ADGRV1: variants seen among roughly 807,000 people sequenced by gnomAD.
The protein encoded by ADGRV1 is adhesion G protein-coupled receptor V1, also known as G-protein coupled receptor 98.
ADGRV1 carries 359 observed loss-of-function variants against 596.2 expected under a neutral mutation model. The ratio of observed to expected loss-of-function variants is 0.60; its 90% CI spans 0.55 to 0.66. The LOEUF (loss-of-function observed/expected upper bound fraction) is 0.66. Ranked by LOEUF, ADGRV1 falls within the 30% of genes least tolerant of loss-of-function variation. The probability of loss-of-function intolerance (pLI) is 0.00; values close to 1 mark genes in which losing one functional copy is unlikely to be tolerated. For synonymous variants in ADGRV1, 2,681 were observed against 2,679.2 expected, an observed-to-expected ratio of 1.00 and a Z score of -0.02; for missense variants, 7,274 against 7,575.6, an observed-to-expected ratio of 0.96 and a Z score of 1.48.
chr5:91,163,677 C>A (rs1797135676), intron 89 of ADGRV1, 105 bp from the exon 90 acceptor site: 1 of 538,218 alleles, frequency 1.9e-6, no homozygotes. Flanking sequence ...TTATTTTTTA[C>A]TAATATAATA....
intron 34 of ADGRV1, among the ~76,000 whole-genome samples, chr5:90,699,090 G>C (rs1747571242): frequency 6.6e-6 from 1 of 152,132 alleles, no homozygotes; most frequent in Non-Finnish European, 1.5e-5. Context: ...TTCAGTGTTT[G>C]CTTCTGGTCT....
At chr5:90,632,320 T>A (rs1234970967) in intron 9 of ADGRV1, among the ~76,000 whole-genome samples, 1 of 152,186 alleles carries the variant, frequency 6.6e-6, no homozygotes, top group Non-Finnish European at 1.5e-5. Context: ...GTTGCAGTGA[T>A]GTGATAGAAG....
chr5:90,920,251 C>T (rs77190517), intron 83 of ADGRV1, among the ~76,000 whole-genome samples: 4,677 of 152,150 alleles, frequency 0.031, 171 homozygotes, highest in East Asian at 0.16. Flanking sequence ...GGCCAGCGAG[C>T]TCTCTTGGGC....
At position 90,778,542 on chromosome 5, in the gene ADGRV1, C is replaced by A. The variant is rs1308744952; in HGVS notation, c.12782C>A (p.Ala4261Asp). Residue 4261 changes from alanine to aspartate, a missense_variant, in exon 63 of 90, where the codon GCC becomes GAC. By Grantham distance (126) the Ala-to-Asp change is moderately radical (BLOSUM62 -2). Transcript: ENST00000405460. ...SSSTANITVV[A>D]SDSPYGRFAF... ...AGCACTGCCAACATCACGGTGGTGGCCAGCGACTCTCCCTATGGCCGATTT... is the reference window on the plus strand; with the variant it reads ...AGCACTGCCAACATCACGGTGGTGGACAGCGACTCTCCCTATGGCCGATTT... 6.2e-7 allele frequency: 1 copy of A among 1,612,486 alleles called. No individual in the cohort carries two copies. Among genetic ancestry groups the A allele is most frequent in the Non-Finnish European group, 8.5e-7 (1 of 1,179,266 alleles).
intron 21 of ADGRV1, among the ~76,000 whole-genome samples, chr5:90,661,571 G>A (rs1406860358): frequency 2.6e-5 from 4 of 152,128 alleles, no homozygotes; most frequent in Non-Finnish European, 5.9e-5. Context: ...CCAATTCATG[G>A]TTCAGAATAC....
chr5:90,872,646 A>G (rs966988997), intron 83 of ADGRV1, among the ~76,000 whole-genome samples: 6 of 152,134 alleles, frequency 3.9e-5, no homozygotes, highest in African/African-American at 1.4e-4. Flanking sequence ...CATAGTCAGT[A>G]TATGTATTAT....
chr5:90,612,448 C>G lies in ADGRV1; in HGVS notation c.23-2387C>G, dbSNP rs146151585. Among the ~76,000 whole-genome samples, 797 of 152,036 alleles carry G rather than the reference C, an allele frequency of 5.2e-3. 4 individuals carry two copies. Among genetic ancestry groups the G allele is most frequent in the Admixed American group, 0.011 (172 of 15,256 alleles). On this transcript the variant is annotated intron_variant, in intron 1 of 89. Coordinates refer to ENST00000405460, the MANE Select transcript of ADGRV1 (RefSeq NM_032119.4). ...ATTTGTTGAAATAAAATGTAAATGG[C>G]AGTACAGTGTGGTTATTGGGTAGAG...
Position 90,960,133 on chromosome 5 carries a change from A to G in ADGRV1, c.17857-5282A>G, listed in dbSNP as rs1237405556. On this transcript the variant is annotated intron_variant, in intron 83 of 89. Transcript: ENST00000405460. ...CAGCCTGGGTGACAGACCGAGACTC[A>G]TCTCAAAAAAAAAAAAAAAACAAAA... 5.7e-5 allele frequency among the ~76,000 whole-genome samples: 7 copies of G among 122,086 alleles called. No individual in the cohort carries two copies. The East Asian group carries it at 1.2e-3, about 21-fold the overall frequency. 80.1% of individuals were successfully genotyped at this position (122,086 alleles called of 152,430 possible).
At chr5:90,634,158 A>G (rs1765846074) in intron 9 of ADGRV1, among the ~76,000 whole-genome samples, 1 of 152,196 alleles carries the variant, frequency 6.6e-6, no homozygotes, top group South Asian at 2.1e-4. Flanking sequence ...CTATTCCTGC[A>G]TTCCTGAAGT....
intron 83 of ADGRV1, among the ~76,000 whole-genome samples, chr5:90,903,368 A>G (rs1313508991): frequency 6.6e-6 from 1 of 152,066 alleles, no homozygotes; most frequent in African/African-American, 2.4e-5. Context: ...TATCCACCAA[A>G]GTTTATTTTT....
At chr5:90,974,425 C>T (rs1414635997) in intron 84 of ADGRV1, among the ~76,000 whole-genome samples, 2 of 152,188 alleles carry the variant, frequency 1.3e-5, no homozygotes, top group Non-Finnish European at 2.9e-5. Flanking sequence ...AAGCTAGAGG[C>T]ATCACACTAC....
chr5:90,623,641 G>T (rs575547955), intron 5 of ADGRV1, among the ~76,000 whole-genome samples: 76 of 152,184 alleles, frequency 5.0e-4, no homozygotes, highest in Non-Finnish European at 5.7e-4. Flanking sequence ...TTGAACTCCT[G>T]AGCACAAATG....
chr5:90,844,505 G>C (rs1470159860), intron 78 of ADGRV1, among the ~76,000 whole-genome samples: 1 of 152,122 alleles, frequency 6.6e-6, no homozygotes, highest in Non-Finnish European at 1.5e-5. Flanking sequence ...TGCTATGACA[G>C]AATATTCTAT....
intron 83 of ADGRV1, among the ~76,000 whole-genome samples, chr5:90,928,849 C>G (rs1222885595): frequency 6.7e-6 from 1 of 149,696 alleles, no homozygotes; most frequent in African/African-American, 2.5e-5. Context: ...TTCCTTCTAA[C>G]AGACAGGACC....
chr5:91,060,011 T>TA (rs1382905619), intron 85 of ADGRV1, among the ~76,000 whole-genome samples: 1 of 152,084 alleles, frequency 6.6e-6, no homozygotes, highest in Non-Finnish European at 1.5e-5. Flanking sequence ...CCAACGTCCT[T>TA]ACATATTTAT....
At chr5:90,930,965 A>G (rs1775194178) in intron 83 of ADGRV1, among the ~76,000 whole-genome samples, 1 of 152,196 alleles carries the variant, frequency 6.6e-6, no homozygotes, top group Admixed American at 6.5e-5. Context: ...AGTGATAAGA[A>G]AACTTCTGAA....
chr5:90,748,684 G>A (rs755841513), intron 52 of ADGRV1, among the ~76,000 whole-genome samples: 17 of 152,116 alleles, frequency 1.1e-4, no homozygotes, highest in Non-Finnish European at 2.4e-4. Context: ...TCAGATCTCT[G>A]CAAAATGATA....
chr5:90,911,341 G>A (rs922354023), intron 83 of ADGRV1, among the ~76,000 whole-genome samples: 15 of 152,206 alleles, frequency 9.9e-5, no homozygotes, highest in Non-Finnish European at 1.5e-4. Flanking sequence ...GAACTCTTTC[G>A]TATTCTGTAA....
At position 90,752,036 on chromosome 5, in the gene ADGRV1, T is replaced by A. The variant is rs1755319103; in HGVS notation, c.11121+1339T>A. ...TTATTTCATTCAGGGAGCTAGTATATCTTTTTTCTGTAAAGGGCCAGATAG... is the reference window on the plus strand; with the variant it reads ...TTATTTCATTCAGGGAGCTAGTATAACTTTTTTCTGTAAAGGGCCAGATAG... On this transcript the variant is annotated intron_variant, in intron 53 of 89. Coordinates refer to ENST00000405460, the MANE Select transcript of ADGRV1 (RefSeq NM_032119.4). 3.3e-5 allele frequency among the ~76,000 whole-genome samples: 5 copies of A among 152,264 alleles called. No homozygotes were observed. The South Asian group carries it at 1.0e-3, about 32-fold the overall frequency.
Sources: allele counts gnomAD v4.1 joint callset (sites outside exome capture counted in the v4.1 genomes callset), GRCh38; gene constraint gnomAD v4.1.1; transcripts MANE v1.5; gene names NCBI Gene and HGNC (gene_info 2026-07-23, HGNC 2026-07-21).